TMEM71: variants seen among roughly 807,000 people sequenced by gnomAD.
TMEM71 encodes the protein transmembrane protein 71.
Under a neutral mutation model 38.0 loss-of-function variants are expected in TMEM71, and 44 were observed. The observed-to-expected ratio is 1.16, with a 90% CI of 0.91 to 1.49. The LOEUF is 1.49. TMEM71 is among the 40% of genes most tolerant of loss of function. The pLI is 0.00. For synonymous variants in TMEM71, 133 were observed against 122.5 expected (o/e 1.09, Z -0.56); for missense variants, 367 against 348.6 (o/e 1.05, Z -0.42).
At chr8:132,706,435 A>G (rs1044287970), downstream of TMEM71, among the ~76,000 whole-genome samples, 1 of 152,144 alleles carries the variant, frequency 6.6e-6, no homozygotes, top group Non-Finnish European at 1.5e-5. Context: ...CTCAAAAAAT[A>G]AATGGTGGTT....
At chr8:132,775,599 C>T in the TMEM71 span, 6 of 347,576 alleles carry the variant, frequency 1.7e-5, no homozygotes, top group Admixed American at 4.8e-5. Context: ...CGTGCCCCAG[C>T]TCGGCCCCGG....
intron 4 of TMEM71, among the ~76,000 whole-genome samples, 189 bp downstream of exon 4, chr8:132,751,596 A>G (rs1008054919): frequency 6.6e-6 from 1 of 152,148 alleles, no homozygotes; most frequent in African/African-American, 2.4e-5. Flanking sequence ...GTGGGTGAAT[A>G]AATGAATGAG....
chr8:132,718,360 G>C (rs937994756), intron 7 of TMEM71, among the ~76,000 whole-genome samples: 5 of 151,138 alleles, frequency 3.3e-5, no homozygotes, highest in African/African-American at 1.2e-4. Flanking sequence ...CTTTAAACTT[G>C]GTCGACATTA....
chr8:132,738,834 C>T (rs1411369868), intron 5 of TMEM71, among the ~76,000 whole-genome samples: 1 of 147,976 alleles, frequency 6.8e-6, no homozygotes, highest in East Asian at 2.0e-4. Flanking sequence ...TTATTGCATT[C>T]TTAAAACTAA....
chr8:132,746,504 T>C (rs1235797879), intron 5 of TMEM71, among the ~76,000 whole-genome samples: 1 of 140,250 alleles, frequency 7.1e-6, no homozygotes, highest in Non-Finnish European at 1.5e-5. Flanking sequence ...TATACATATA[T>C]ATGTATATAT....
the TMEM71 span, among the ~76,000 whole-genome samples, chr8:132,773,232 C>T: frequency 1.3e-5 from 2 of 152,194 alleles, no homozygotes; most frequent in African/African-American, 4.8e-5. Context: ...TACCCCAATC[C>T]TGAGACAATA....
downstream of TMEM71, among the ~76,000 whole-genome samples, chr8:132,708,129 C>T (rs76868709): frequency 2.4e-3 from 363 of 152,264 alleles, 2 homozygotes; most frequent in African/African-American, 8.0e-3. Context: ...GTACAGCAGA[C>T]GTGGTTCTTT....
intron 3 of TMEM71, among the ~76,000 whole-genome samples, chr8:132,755,185 A>G (rs781115389): frequency 6.6e-6 from 1 of 152,124 alleles, no homozygotes. Context: ...ACAGTTATCA[A>G]CTGTAGCCTC....
intron 3 of TMEM71, among the ~76,000 whole-genome samples, chr8:132,755,660 T>C (rs1828962481): frequency 6.6e-6 from 1 of 152,256 alleles, no homozygotes. Context: ...CTCATCCTTC[T>C]ACACATCTGC....
At chr8:132,708,551 G>A (rs1826127763), downstream of TMEM71, among the ~76,000 whole-genome samples, 1 of 152,160 alleles carries the variant, frequency 6.6e-6, no homozygotes, top group South Asian at 2.1e-4. Context: ...TCCTCTGCAA[G>A]GTTGTAAAGA....
chr8:132,728,616 G>A (rs1827283906), intron 5 of TMEM71, among the ~76,000 whole-genome samples: 1 of 152,206 alleles, frequency 6.6e-6, no homozygotes, highest in Non-Finnish European at 1.5e-5. Context: ...ACAAAGGCCA[G>A]AGGCATCTTC....
upstream of TMEM71, among the ~76,000 whole-genome samples, chr8:132,763,533 C>T (rs978774469): frequency 2.6e-5 from 4 of 152,136 alleles, no homozygotes; most frequent in Non-Finnish European, 5.9e-5. Context: ...GGGGAAAAGA[C>T]GAGTGGCAAA....
At chr8:132,718,676 C>A (rs1185916207) in intron 7 of TMEM71, among the ~76,000 whole-genome samples, 4 of 152,090 alleles carry the variant, frequency 2.6e-5, no homozygotes, top group South Asian at 4.2e-4. Flanking sequence ...GGACTACAGG[C>A]GTGAGCCACC....
intron 7 of TMEM71, among the ~76,000 whole-genome samples, chr8:132,716,008 T>C (rs1230375740): frequency 1.3e-5 from 2 of 152,132 alleles, no homozygotes. Context: ...AGGGGAGGCC[T>C]GGCCAGGGTT....
intron 9 of TMEM71, among the ~76,000 whole-genome samples, chr8:132,711,432 C>T (rs560029649): frequency 4.6e-5 from 7 of 152,234 alleles, no homozygotes; most frequent in South Asian, 2.1e-4. Flanking sequence ...TCTCCTGCCC[C>T]GTAGAACAGC....
chr8:132,721,972 A>T, intron 7 of TMEM71, 68 bp downstream of exon 7: 1 of 1,345,434 alleles, frequency 7.4e-7, no homozygotes, highest in Non-Finnish European at 1.1e-6. Context: ...TAAGGCAAGG[A>T]AATCATCAAT....
chr8:132,764,420 T>G (rs912227690), upstream of TMEM71, among the ~76,000 whole-genome samples: 6 of 152,152 alleles, frequency 3.9e-5, no homozygotes, highest in Non-Finnish European at 8.8e-5. Flanking sequence ...CAATAGAATA[T>G]CTGATTATGT....
chr8:132,727,366 C>T (rs1485663746), intron 6 of TMEM71, among the ~76,000 whole-genome samples: 1 of 151,668 alleles, frequency 6.6e-6, no homozygotes, highest in East Asian at 1.9e-4. Context: ...ATGCAATTCT[C>T]CTGCCTCAGC....
the TMEM71 span, among the ~76,000 whole-genome samples, chr8:132,767,149 G>T: frequency 1.3e-5 from 2 of 152,152 alleles, no homozygotes; most frequent in Non-Finnish European, 2.9e-5. Context: ...ATTAACTCAG[G>T]CAACTGTGGC....
Sources: gnomAD v4.1 joint callset for allele counts (sites outside exome capture counted in the v4.1 genomes callset) on GRCh38, gnomAD v4.1.1 for gene constraint, MANE v1.5 for transcripts, NCBI Gene and HGNC (gene_info 2026-07-23, HGNC 2026-07-21) for gene names.